WNT3: variants seen among roughly 807,000 people sequenced by gnomAD.
WNT3 encodes Wnt family member 3, also known as proto-oncogene Wnt-3.
Under a neutral mutation model 34.2 loss-of-function variants are expected in WNT3, and 7 were observed. The observed-to-expected ratio is 0.20, with a 90% CI of 0.12 to 0.38. The LOEUF is 0.38. WNT3 is among the 10% of genes least tolerant of loss of function. The pLI, the probability that WNT3 is intolerant of heterozygous loss-of-function variation, is 1.00. For missense variants in WNT3, 267 were observed against 499.8 expected, an observed-to-expected ratio of 0.53 and a Z score of 4.44; for synonymous variants, 212 against 211.5, an observed-to-expected ratio of 1.00 and a Z score of -0.02.
chr17:46,767,943 A>G (rs1425246834), intron 4 of WNT3, among the ~76,000 whole-genome samples: 1 of 151,988 alleles, frequency 6.6e-6, no homozygotes, highest in Non-Finnish European at 1.5e-5. Flanking sequence ...CACCTGCCAC[A>G]ACGCCCGGCT....
chr17:46,802,616 G>A (rs1374035539), intron 1 of WNT3, among the ~76,000 whole-genome samples: 3 of 152,248 alleles, frequency 2.0e-5, no homozygotes, highest in African/African-American at 7.2e-5. Context: ...CCATCCTTTG[G>A]GAAGGGGAGA....
At chr17:46,794,882 C>A (rs1314498283) in intron 1 of WNT3, among the ~76,000 whole-genome samples, 1 of 151,776 alleles carries the variant, frequency 6.6e-6, no homozygotes, top group Admixed American at 6.6e-5. Context: ...TTCCGAGTAG[C>A]TGGAATTATA....
chr17:46,771,404 C>A (rs2059368295), intron 2 of WNT3, among the ~76,000 whole-genome samples: 1 of 151,438 alleles, frequency 6.6e-6, no homozygotes, highest in Admixed American at 6.6e-5. Flanking sequence ...ACAGGGCGGG[C>A]GCCCCTCGTT....
At chr17:46,779,039 C>T (rs904429079) in intron 1 of WNT3, among the ~76,000 whole-genome samples, 2 of 124,168 alleles carry the variant, frequency 1.6e-5, no homozygotes, top group African/African-American at 3.0e-5. Context: ...AGTTATTCCC[C>T]GGTCCCTACC....
At chr17:46,794,190 A>G (rs1420176739) in intron 1 of WNT3, among the ~76,000 whole-genome samples, 1 of 152,096 alleles carries the variant, frequency 6.6e-6, no homozygotes, top group Non-Finnish European at 1.5e-5. Context: ...ACAAGACCTC[A>G]GGGGACTGTG....
At chr17:46,790,067 C>T (rs957773875) in intron 1 of WNT3, among the ~76,000 whole-genome samples, 34 of 152,150 alleles carry the variant, frequency 2.2e-4, no homozygotes, top group African/African-American at 7.7e-4. Context: ...GCTGCCCCTC[C>T]CTTGCAGCCC....
chr17:46,807,092 C>T (rs946561089), intron 1 of WNT3, among the ~76,000 whole-genome samples: 2 of 152,168 alleles, frequency 1.3e-5, no homozygotes, highest in Non-Finnish European at 2.9e-5. Flanking sequence ...AGGAACCAAC[C>T]TCAGCTTTAG....
At chr17:46,815,416 C>T (rs1008515695) in intron 1 of WNT3, among the ~76,000 whole-genome samples, 2 of 152,124 alleles carry the variant, frequency 1.3e-5, no homozygotes, top group African/African-American at 2.4e-5. Context: ...TGAGGGTCCG[C>T]GTGGACAGAA....
intron 2 of WNT3, among the ~76,000 whole-genome samples, chr17:46,771,381 C>G: frequency 6.6e-6 from 1 of 151,678 alleles, no homozygotes; most frequent in Non-Finnish European, 1.5e-5. Flanking sequence ...GAAGAGGGGC[C>G]GAGGGCGGGT....
At chr17:46,816,475 GCACACACACA>G (rs113581876) in intron 1 of WNT3, among the ~76,000 whole-genome samples, 2,910 of 144,338 alleles carry the variant, frequency 0.02, 41 homozygotes, top group Middle Eastern at 0.057. Flanking sequence ...CAGAACACAC[GCACACACACA>G]CACACACACA....
chr17:46,815,712 G>A (rs2084332640), intron 1 of WNT3, among the ~76,000 whole-genome samples: 1 of 152,166 alleles, frequency 6.6e-6, no homozygotes, highest in African/African-American at 2.4e-5. Flanking sequence ...CTAGTGCCTG[G>A]ACAGACAGGA....
intron 1 of WNT3, among the ~76,000 whole-genome samples, chr17:46,807,996 G>A (rs1332829568): frequency 4.6e-5 from 7 of 152,186 alleles, no homozygotes; most frequent in Non-Finnish European, 8.8e-5. Flanking sequence ...AATTGGACTA[G>A]GGCAAGAAAG....
intron 1 of WNT3, among the ~76,000 whole-genome samples, chr17:46,790,629 G>C (rs1598777839): frequency 6.6e-6 from 1 of 152,126 alleles, no homozygotes; most frequent in East Asian, 1.9e-4. Context: ...CCCGTCCCCT[G>C]TTTTCCAACC....
chr17:46,766,406 CAAAAAA>C (rs1241288262), intron 4 of WNT3, among the ~76,000 whole-genome samples: 1 of 126,928 alleles, frequency 7.9e-6, no homozygotes, highest in Non-Finnish European at 1.7e-5. Flanking sequence ...GACTCAGTCT[CAAAAAA>C]AAAAAAAAAG....
At chr17:46,809,431 C>T (rs1305608189) in intron 1 of WNT3, among the ~76,000 whole-genome samples, 1 of 152,210 alleles carries the variant, frequency 6.6e-6, no homozygotes, top group Non-Finnish European at 1.5e-5. Context: ...GTCTTCCAGA[C>T]AGACCTGGGT....
chr17:46,787,743 C>T (rs2146415270), intron 1 of WNT3, among the ~76,000 whole-genome samples: 1 of 152,326 alleles, frequency 6.6e-6, no homozygotes, highest in Non-Finnish European at 1.5e-5. Flanking sequence ...CAACTGAAGT[C>T]AGGAGTTCGA....
intron 1 of WNT3, among the ~76,000 whole-genome samples, chr17:46,787,137 G>A (rs1406896538): frequency 6.6e-6 from 1 of 151,956 alleles, no homozygotes; most frequent in Non-Finnish European, 1.5e-5. Flanking sequence ...ATGAAGTCCT[G>A]CTATATTGCC....
rs184112757 is a variant in WNT3 at position 46,768,072 on chromosome 17, G to A, written c.*8+240C>T. Among the ~76,000 whole-genome samples, 3 of 152,212 alleles carry A rather than the reference G, an allele frequency of 2.0e-5. No individual in the cohort carries two copies. The highest frequency in any genetic ancestry group is 4.4e-5 in the Non-Finnish European group (3 of 68,046). ...CAAAGTGCTGGGATTACAGGCGTGAGCCACCGCACCCGGCCAACACTGGGT... is the reference window on the plus strand; with the variant it reads ...CAAAGTGCTGGGATTACAGGCGTGAACCACCGCACCCGGCCAACACTGGGT... On this transcript the variant is annotated intron_variant, in intron 4 of 4. Coordinates refer to ENST00000225512, the MANE Select transcript of WNT3 (RefSeq NM_030753.5). This position sits in a 1 kb window ranked among gnomAD's most constrained non-coding sequence, Gnocchi z 5.0.
At chr17:46,776,272 C>G (rs1160714780) in intron 1 of WNT3, among the ~76,000 whole-genome samples, 1 of 152,226 alleles carries the variant, frequency 6.6e-6, no homozygotes, top group African/African-American at 2.4e-5. Context: ...TGAGCACATG[C>G]CTGAGTGGGT....
Sources: gnomAD v4.1 joint callset for allele counts (sites outside exome capture counted in the v4.1 genomes callset) on GRCh38, gnomAD v4.1.1 for gene constraint, Gnocchi (gnomAD v3.1) non-coding constraint, MANE v1.5 for transcripts, NCBI Gene and HGNC (gene_info 2026-07-23, HGNC 2026-07-21) for gene names.